The following PAH variants were observed in gnomAD, a reference collection of about 807,000 sequenced individuals.
The protein encoded by PAH is phenylalanine-4-hydroxylase.
PAH carries 64 observed loss-of-function variants against 62.0 expected under a neutral mutation model. That is an observed-to-expected ratio of 1.03 (90% CI 0.84 to 1.27). The LOEUF (loss-of-function observed/expected upper bound fraction) is 1.27, where lower values mean the gene tolerates loss of function less well. Among genes scored for constraint, PAH ranks in the 50% most tolerant of loss-of-function variants. The pLI is 0.00. For synonymous variants in PAH, 195 were observed against 196.2 expected (o/e 0.99, Z 0.05); for missense variants, 579 against 542.8 (o/e 1.07, Z -0.66).
chr12:102,876,468 G>A (rs1419221479), intron 4 of PAH, among the ~76,000 whole-genome samples: 1 of 152,232 alleles, frequency 6.6e-6, no homozygotes, highest in Admixed American at 6.5e-5. Flanking sequence ...TTTGCCTCCT[G>A]AAAAGCGCCT....
chr12:102,913,706 G>T (rs1878284987), intron 1 of PAH: 1 of 668,094 alleles, frequency 1.5e-6, no homozygotes. Context: ...TGTTGAAAAA[G>T]AGTTACAAAA....
Position 102,894,938 on chromosome 12 carries a change from G to A in PAH, c.169-20C>T. The A allele has an allele frequency of 3.1e-6, 5 of 1,596,686 alleles. No individual in the cohort carries two copies. Among genetic ancestry groups the A allele is most frequent in the Non-Finnish European group, 4.3e-6 (5 of 1,166,048 alleles). On this transcript the variant is annotated intron_variant, in intron 2 of 12. Transcript: ENST00000553106. Reference sequence around the variant, plus strand: ...ATTCTCCTAGAAGAGAGAATGGGGAGGGTGAGGAGACAGTCACTGGAACTA... The same window carrying A: ...ATTCTCCTAGAAGAGAGAATGGGGAAGGTGAGGAGACAGTCACTGGAACTA...
rs1053413347 is a variant in PAH, at chr12:102,838,042, A to T, written c.*1133T>A. On this transcript the variant is annotated 3_prime_UTR_variant, in exon 13 of 13. Coordinates refer to ENST00000553106, the MANE Select transcript of PAH (RefSeq NM_000277.3). The stretch of plus-strand genomic sequence containing the variant: ...CTTAACTATTTCCAAAATAAAATGT[A>T]AAGTAGTATGAGAATTTCAAATCAT... The T allele has an allele frequency of 6.6e-6, 1 of 152,272 alleles. No individual in the cohort carries two copies. Among genetic ancestry groups the T allele is most frequent in the African/African-American group, 2.4e-5 (1 of 41,474 alleles). The allele number at this position is 152,272 out of a possible 1,614,324, so 9.4% of individuals were successfully genotyped here.
chr12:102,940,009 T>C (rs1005133577), intron 1 of PAH, among the ~76,000 whole-genome samples: 5 of 152,134 alleles, frequency 3.3e-5, no homozygotes, highest in African/African-American at 1.2e-4. Context: ...TGAGAACCTA[T>C]CTAATGGCCC....
At chr12:102,921,206 G>A (rs1878544181), upstream of PAH, among the ~76,000 whole-genome samples, 1 of 152,132 alleles carries the variant, frequency 6.6e-6, no homozygotes, top group Non-Finnish European at 1.5e-5. Context: ...CAGAATTTTT[G>A]CCAATCTGAT....
chr12:102,843,910 G>T, intron 10 of PAH, 131 bp from the exon 11 acceptor site: 3 of 1,013,714 alleles, frequency 3.0e-6, no homozygotes, highest in Non-Finnish European at 4.6e-6. Context: ...CCCAAATGCT[G>T]TGAGCCAAAT....
Position 102,861,320 on chromosome 12 carries a change from G to A in PAH, c.509+5276C>T, listed in dbSNP as rs189325823. 6.3e-4 allele frequency among the ~76,000 whole-genome samples: 96 copies of A among 152,276 alleles called. No individual in the cohort carries two copies. The East Asian group carries it at 0.017, about 27-fold the overall frequency. On this transcript the variant is annotated intron_variant, in intron 5 of 12. Coordinates refer to ENST00000553106, the MANE Select transcript of PAH (RefSeq NM_000277.3). Reference sequence around the variant, plus strand: ...CAGTTAGAATGGCGATCATTAAAAAGTCAGGAAACAACAGGTGCTGGAGAG... The same window carrying A: ...CAGTTAGAATGGCGATCATTAAAAAATCAGGAAACAACAGGTGCTGGAGAG...
At chr12:102,955,638 T>G (rs191073417), upstream of PAH, among the ~76,000 whole-genome samples, 26 of 152,250 alleles carry the variant, frequency 1.7e-4, no homozygotes, top group East Asian at 4.4e-3. Context: ...CCTGAATAAT[T>G]CCTATTTCTG....
In PAH at chr12:102,861,818, C is replaced by A. The variant is rs370728129; in HGVS notation, c.509+4778G>T. Reference sequence around the variant, plus strand: ...GACACAGGAAGGGGAACATCACACACGGGCCTGTTGTGGGGTTGGGGGAAG... The same window carrying A: ...GACACAGGAAGGGGAACATCACACAAGGGCCTGTTGTGGGGTTGGGGGAAG... On this transcript the variant is annotated intron_variant, in intron 5 of 12. Transcript: ENST00000553106. Among the ~76,000 whole-genome samples, 29 of 151,982 alleles carry A rather than the reference C, an allele frequency of 1.9e-4. No individual in the cohort carries two copies. The East Asian group carries it at 4.4e-3, about 23-fold the overall frequency.
At chr12:102,930,338 A>G (rs1167714778) in intron 1 of PAH, among the ~76,000 whole-genome samples, 1 of 152,042 alleles carries the variant, frequency 6.6e-6, no homozygotes, top group Non-Finnish European at 1.5e-5. Context: ...GAGGAACTCT[A>G]GAAATGAGTT....
At chr12:102,861,043 A>G (rs1875691484) in intron 5 of PAH, among the ~76,000 whole-genome samples, 1 of 152,248 alleles carries the variant, frequency 6.6e-6, no homozygotes, top group Non-Finnish European at 1.5e-5. Context: ...CAGAGTGAAC[A>G]GGCAACTGAC....
chr12:102,855,100 C>A (rs1875349728), intron 6 of PAH, 36 bp downstream of exon 6: 1 of 1,566,922 alleles, frequency 6.4e-7, no homozygotes, highest in South Asian at 1.1e-5. Context: ...CCTCCCCCAA[C>A]TTTCTGCAGG....
In PAH at chr12:102,879,028, A is replaced by G. The variant is rs111985432; in HGVS notation, c.353-1478T>C. On this transcript the variant is annotated intron_variant, in intron 3 of 12. Transcript: ENST00000553106. ...CAGAACTTCCCCTGAAATGAGGTCGAGGGGAAGATGCTGAACTTCCAATCA... is the reference window on the plus strand; with the variant it reads ...CAGAACTTCCCCTGAAATGAGGTCGGGGGGAAGATGCTGAACTTCCAATCA... Among the ~76,000 whole-genome samples, 342 of 152,216 alleles carry G rather than the reference A, an allele frequency of 2.2e-3. 4 individuals are homozygous for G. Among genetic ancestry groups the G allele is most frequent in the Middle Eastern group, 0.02 (6 of 294 alleles).
intron 2 of PAH, among the ~76,000 whole-genome samples, chr12:102,907,621 G>A (rs1187520030): frequency 4.9e-5 from 7 of 143,614 alleles, no homozygotes; most frequent in Non-Finnish European, 7.6e-5. Flanking sequence ...TTTTTTTTTT[G>A]TGGGGAGGGA....
intron 3 of PAH, among the ~76,000 whole-genome samples, chr12:102,881,547 T>A (rs1343647115): frequency 2.0e-5 from 3 of 152,158 alleles, no homozygotes; most frequent in Non-Finnish European, 4.4e-5. Flanking sequence ...CACCATGCAG[T>A]ACATTTGACC....
At chr12:102,944,586 T>A (rs1420567508) in intron 1 of PAH, among the ~76,000 whole-genome samples, 1 of 152,258 alleles carries the variant, frequency 6.6e-6, no homozygotes, top group Non-Finnish European at 1.5e-5. Flanking sequence ...CTTCAGAATT[T>A]CTGCTCAATT....
intron 6 of PAH, among the ~76,000 whole-genome samples, chr12:102,854,020 A>AT (rs1185707834): frequency 6.6e-6 from 1 of 152,170 alleles, no homozygotes; most frequent in African/African-American, 2.4e-5. Flanking sequence ...CTGTTTTATT[A>AT]TTCTTATTAT....
At chr12:102,926,541 A>C (rs1878689310) in intron 1 of PAH, among the ~76,000 whole-genome samples, 1 of 151,892 alleles carries the variant, frequency 6.6e-6, no homozygotes. Flanking sequence ...GTGCAAAAGT[A>C]ATTGCAGTTT....
chr12:102,858,485 A>G (rs905948172), intron 5 of PAH, among the ~76,000 whole-genome samples: 22 of 152,240 alleles, frequency 1.4e-4, no homozygotes, highest in Non-Finnish European at 2.9e-4. Context: ...CCTAACAGAC[A>G]TCTACAGAAC....
Sources: allele counts gnomAD v4.1 joint callset (sites outside exome capture counted in the v4.1 genomes callset), GRCh38; gene constraint gnomAD v4.1.1; transcripts MANE v1.5; gene names NCBI Gene and HGNC (gene_info 2026-07-23, HGNC 2026-07-21).